Variants in FAM210B observed in about 807,000 individuals in gnomAD.
FAM210B encodes family with sequence similarity 210 member B.
FAM210B carries 11 observed loss-of-function variants against 14.9 expected under a neutral mutation model. That is an observed-to-expected ratio of 0.74 (90% CI 0.46 to 1.22). The LOEUF is 1.22. Ranked by LOEUF, FAM210B falls within the 50% of genes most tolerant of loss-of-function variation. FAM210B has a pLI of 0.00. For missense variants in FAM210B, 229 were observed against 250.1 expected (o/e 0.92, Z 0.57); for synonymous variants, 113 against 110.2 (o/e 1.03, Z -0.16).
In FAM210B at chr20:56,363,463, T is replaced by G. The variant is rs1232019496; in HGVS notation, c.187-1624T>G. On this transcript the variant is annotated intron_variant, in intron 1 of 2. Transcript: ENST00000371384. The surrounding 1 kb of genome is among the most constrained non-coding windows in gnomAD (Gnocchi z 4.1). ...TTTTCCTCAAATGTTCTAAAAAATC[T>G]TATGCCTCTAAAAATAACAGGGTAA... 6.6e-6 allele frequency among the ~76,000 whole-genome samples: 1 copy of G among 152,192 alleles called. No homozygotes were observed. Among genetic ancestry groups the G allele is most frequent in the Non-Finnish European group, 1.5e-5 (1 of 68,042 alleles).
chr20:56,361,805 C>A (rs527801010), intron 1 of FAM210B, among the ~76,000 whole-genome samples: 1 of 152,044 alleles, frequency 6.6e-6, no homozygotes, highest in East Asian at 1.9e-4. Flanking sequence ...AATGAAGCCC[C>A]GTCTCTACTA....
At chr20:56,365,991 C>A in intron 2 of FAM210B, 80 bp from the exon 3 acceptor site, 1 of 926,490 alleles carries the variant, frequency 1.1e-6, no homozygotes, top group Non-Finnish European at 1.5e-6. Context: ...TTTTAAAATA[C>A]TGTAAATCTT....
chr20:56,359,783 T>TA lies in FAM210B; in HGVS notation c.186+597dup, dbSNP rs1983494341. On this transcript the variant is annotated intron_variant, in intron 1 of 2. Coordinates refer to ENST00000371384, the MANE Select transcript of FAM210B (RefSeq NM_080821.3). This position sits in a 1 kb window ranked among gnomAD's most constrained non-coding sequence, Gnocchi z 4.3. ...TTTCTTCCAAGTGAGTCTTTTTAAA[T>TA]AAAAATAGTAGTAAATGAAGTCTGG... Among the ~76,000 whole-genome samples the TA allele has an allele frequency of 6.6e-6, 1 of 152,204 alleles. No homozygotes were observed. The highest frequency in any genetic ancestry group is 1.5e-5 in the Non-Finnish European group (1 of 68,028).
rs377078114 is a variant in FAM210B at position 56,366,503 on chromosome 20, G to A, written c.*216G>A. 1.1e-5 allele frequency: 6 copies of A among 528,406 alleles called. No homozygotes were observed. In the African/African-American group the frequency reaches 1.2e-4, roughly 10 times the overall value. 32.7% of individuals were successfully genotyped at this position (528,406 alleles called of 1,614,324 possible). On this transcript the variant is annotated 3_prime_UTR_variant, in exon 3 of 3. Coordinates refer to ENST00000371384, the MANE Select transcript of FAM210B (RefSeq NM_080821.3). ...GTGAATGCTATTCATTATAGGGCTTGTATATATAATCTAAAATGTCAGCAA... is the reference window on the plus strand; with the variant it reads ...GTGAATGCTATTCATTATAGGGCTTATATATATAATCTAAAATGTCAGCAA...
rs917518746 is a variant in FAM210B, at chr20:56,368,454, C to T, written c.*2167C>T. On this transcript the variant is annotated 3_prime_UTR_variant, in exon 3 of 3. Coordinates refer to ENST00000371384, the MANE Select transcript of FAM210B (RefSeq NM_080821.3). The stretch of plus-strand genomic sequence containing the variant: ...CGGGCAAGCAATAAAACAAATCATA[C>T]CAAAAAGCCACATTGCTCTCTCCTA... 1.4e-4 allele frequency: 21 copies of T among 152,114 alleles called. No individual in the cohort carries two copies. The highest frequency in any genetic ancestry group is 5.1e-4 in the African/African-American group (21 of 41,400). 9.4% of individuals were successfully genotyped at this position (152,114 alleles called of 1,614,324 possible).
At position 56,359,107 on chromosome 20, in the gene FAM210B, G is replaced by C. The variant is rs887168395; in HGVS notation, c.102G>C (p.Pro34=). ...WLLGATAPCA[P]PPLALALLPP... Reference sequence around the variant, plus strand: ...TGGGCGCCACCGCCCCCTGCGCCCCGCCGCCCCTGGCCCTGGCCCTGCTCC... The same window carrying C: ...TGGGCGCCACCGCCCCCTGCGCCCCCCCGCCCCTGGCCCTGGCCCTGCTCC... The change falls in exon 1 of 3, where the codon CCG becomes CCC. Residue 34 remains proline (P), a synonymous_variant. Coordinates refer to ENST00000371384, the MANE Select transcript of FAM210B (RefSeq NM_080821.3). The surrounding 1 kb of genome is among the most constrained non-coding windows in gnomAD (Gnocchi z 4.3). The C allele has an allele frequency of 1.2e-4, 158 of 1,330,622 alleles. No homozygotes were observed. Among genetic ancestry groups the C allele is most frequent in the Non-Finnish European group, 1.4e-4 (150 of 1,040,574 alleles). The allele number at this position is 1,330,622 out of a possible 1,614,324, so 82.4% of individuals were successfully genotyped here.
At position 56,366,416 on chromosome 20, in the gene FAM210B, A is replaced by T; in HGVS notation, c.*129A>T. On this transcript the variant is annotated 3_prime_UTR_variant, in exon 3 of 3. Transcript: ENST00000371384. ...GGGGCTAATTGCTATGTTCTCATGGATAAACTTTGCCAGCAAAAATCAGGC... is the reference window on the plus strand; with the variant it reads ...GGGGCTAATTGCTATGTTCTCATGGTTAAACTTTGCCAGCAAAAATCAGGC... 1.2e-6 allele frequency: 1 copy of T among 845,428 alleles called. No individual in the cohort carries two copies. Among genetic ancestry groups the T allele is most frequent in the Non-Finnish European group, 1.8e-6 (1 of 550,228 alleles). 52.4% of individuals were successfully genotyped at this position (845,428 alleles called of 1,614,324 possible).
At chr20:56,364,881 G>T (rs1401512343) in intron 1 of FAM210B, among the ~76,000 whole-genome samples, 1 of 152,168 alleles carries the variant, frequency 6.6e-6, no homozygotes, top group Non-Finnish European at 1.5e-5. Context: ...TTGAACCAGG[G>T]AGGTGGAGGT....
At position 56,367,529 on chromosome 20, in the gene FAM210B, C is replaced by G. The variant is rs1448511164; in HGVS notation, c.*1242C>G. ...TGGCACACGCCTGTAGTCCCAGCTA[C>G]TGGGGAGGCTGAGGCAGCATTGCTT... On this transcript the variant is annotated 3_prime_UTR_variant, in exon 3 of 3. Coordinates refer to ENST00000371384, the MANE Select transcript of FAM210B (RefSeq NM_080821.3). The G allele has an allele frequency of 1.3e-5, 2 of 152,406 alleles. No individual in the cohort carries two copies. The highest frequency in any genetic ancestry group is 4.8e-5 in the African/African-American group (2 of 41,452). The allele number at this position is 152,406 out of a possible 1,614,324, so 9.4% of individuals were successfully genotyped here. A position where few individuals can be genotyped will look rare whatever the true frequency, so the allele number is the denominator to read the frequency against.
chr20:56,361,842 T>C (rs547531679), intron 1 of FAM210B, among the ~76,000 whole-genome samples: 49 of 152,044 alleles, frequency 3.2e-4, no homozygotes, highest in Non-Finnish European at 1.5e-5. Context: ...CCGGGCATAG[T>C]GGCACGTGCC....
rs1046544375 is a variant in FAM210B, at chr20:56,359,839, G to A, written c.186+648G>A. Among the ~76,000 whole-genome samples the A allele has an allele frequency of 2.0e-5, 3 of 152,246 alleles. No individual in the cohort carries two copies. The highest frequency in any genetic ancestry group is 4.4e-5 in the Non-Finnish European group (3 of 68,040). ...CAGGAATGGCAAGCCCAGACACGCGGAGCCGGCGTCCAGCCCGGAGCGCAT... is the reference window on the plus strand; with the variant it reads ...CAGGAATGGCAAGCCCAGACACGCGAAGCCGGCGTCCAGCCCGGAGCGCAT... On this transcript the variant is annotated intron_variant, in intron 1 of 2. Coordinates refer to ENST00000371384, the MANE Select transcript of FAM210B (RefSeq NM_080821.3). The surrounding 1 kb of genome is among the most constrained non-coding windows in gnomAD (Gnocchi z 4.3).
chr20:56,360,294 G>A (rs1285648951), intron 1 of FAM210B: 7 of 466,062 alleles, frequency 1.5e-5, no homozygotes, highest in Non-Finnish European at 2.7e-5. Flanking sequence ...TCCTTCCTCC[G>A]GGAAGCCCTC....
rs926207025 is a variant in FAM210B at position 56,363,017 on chromosome 20, G to A, written c.187-2070G>A. On this transcript the variant is annotated intron_variant, in intron 1 of 2. Transcript: ENST00000371384. This position sits in a 1 kb window ranked among gnomAD's most constrained non-coding sequence, Gnocchi z 4.1. ...TGGGGCTTGTTTATCAGGAAGAACC[G>A]ATGCCCTCCACAGCCATCCTGGCCG... is the stretch of plus-strand genomic sequence containing the variant. Among the ~76,000 whole-genome samples the A allele has an allele frequency of 1.3e-5, 2 of 152,178 alleles. No homozygotes were observed. The highest frequency in any genetic ancestry group is 2.9e-5 in the Non-Finnish European group (2 of 68,030).
chr20:56,365,371 A>G (rs111968423), intron 2 of FAM210B, 109 bp downstream of exon 2: 212,375 of 1,209,612 alleles, frequency 0.18, 20,333 homozygotes, highest in African/African-American at 0.19. Context: ...GTCTCACTCC[A>G]CTGCCCAGGC....
At chr20:56,365,947 A>G in intron 2 of FAM210B, 124 bp from the exon 3 acceptor site, 1 of 688,080 alleles carries the variant, frequency 1.5e-6, no homozygotes, top group South Asian at 2.2e-5. Context: ...CCTGGCCACT[A>G]AGACTTTTAT....
chr20:56,362,399 C>T lies in FAM210B; in HGVS notation c.187-2688C>T, dbSNP rs900316363. ...CTGAGTACAGACAGAAGATGTGTCA[C>T]GCCGTCCTGTGCATTCAGGACAGTG... On this transcript the variant is annotated intron_variant, in intron 1 of 2. Transcript: ENST00000371384. This position sits in a 1 kb window ranked among gnomAD's most constrained non-coding sequence, Gnocchi z 4.8. Among the ~76,000 whole-genome samples, 5 of 152,150 alleles carry T rather than the reference C, an allele frequency of 3.3e-5. No individual in the cohort carries two copies. The highest frequency in any genetic ancestry group is 9.7e-5 in the African/African-American group (4 of 41,440).
rs1983498415 is a variant in FAM210B at position 56,359,938 on chromosome 20, T to C, written c.186+747T>C. Among the ~76,000 whole-genome samples the C allele has an allele frequency of 1.3e-5, 2 of 152,144 alleles. No individual in the cohort carries two copies. The highest frequency in any genetic ancestry group is 6.5e-5 in the Admixed American group (1 of 15,276). Reference sequence around the variant, plus strand: ...CCCCTCCATTCATCGCCCGGTGACCTCAGACCGAGTCCTGAAGGCTTTTGA... The same window carrying C: ...CCCCTCCATTCATCGCCCGGTGACCCCAGACCGAGTCCTGAAGGCTTTTGA... On this transcript the variant is annotated intron_variant, in intron 1 of 2. Transcript: ENST00000371384. The surrounding 1 kb of genome is among the most constrained non-coding windows in gnomAD (Gnocchi z 4.3).
At position 56,359,217 on chromosome 20, in the gene FAM210B, C is replaced by G; in HGVS notation, c.186+26C>G. Reference sequence around the variant, plus strand: ...GTAAGCACCCCACCCCGACCCTGATCCCGGGCGGTGTCCAGGTCCCCAGAC... The same window carrying G: ...GTAAGCACCCCACCCCGACCCTGATGCCGGGCGGTGTCCAGGTCCCCAGAC... On this transcript the variant is annotated intron_variant, in intron 1 of 2. Coordinates refer to ENST00000371384, the MANE Select transcript of FAM210B (RefSeq NM_080821.3). This position sits in a 1 kb window ranked among gnomAD's most constrained non-coding sequence, Gnocchi z 4.3. The G allele has an allele frequency of 2.5e-6, 3 of 1,224,370 alleles. No homozygotes were observed. Among genetic ancestry groups the G allele is most frequent in the Non-Finnish European group, 3.0e-6 (3 of 984,062 alleles). 75.8% of individuals were successfully genotyped at this position (1,224,370 alleles called of 1,614,324 possible). A position where few individuals can be genotyped will look rare whatever the true frequency, so the allele number is the denominator to read the frequency against.
Position 56,368,536 on chromosome 20 carries a change from A to G in FAM210B, c.*2249A>G, listed in dbSNP as rs1227622224. 1 of 152,242 alleles carries G rather than the reference A, an allele frequency of 6.6e-6. No individual in the cohort carries two copies. The highest frequency in any genetic ancestry group is 1.5e-5 in the Non-Finnish European group (1 of 68,068). The allele number at this position is 152,242 out of a possible 1,614,324, so 9.4% of individuals were successfully genotyped here. A position where few individuals can be genotyped will look rare whatever the true frequency, so the allele number is the denominator to read the frequency against. On this transcript the variant is annotated 3_prime_UTR_variant, in exon 3 of 3. Transcript: ENST00000371384. ...GGGTCCAAACAGAAAATAACCGGAG[A>G]AGACAAGGAGGTCAAAGGATCAGGG... is the stretch of plus-strand genomic sequence containing the variant.
Sources: allele counts gnomAD v4.1 joint callset (sites outside exome capture counted in the v4.1 genomes callset), GRCh38; gene constraint gnomAD v4.1.1; non-coding constraint Gnocchi (gnomAD v3.1); transcripts MANE v1.5; gene names NCBI Gene and HGNC (gene_info 2026-07-23, HGNC 2026-07-21).